GULP1: variants seen among roughly 807,000 people sequenced by gnomAD.
The protein encoded by GULP1 is PTB domain-containing engulfment adapter protein 1.
In GULP1, 19 loss-of-function variants were observed where a neutral mutation model predicts 40.9. That is an observed-to-expected ratio of 0.46 (90% CI 0.32 to 0.68). The LOEUF is 0.68. Among genes scored for constraint, GULP1 ranks in the 30% least tolerant of loss-of-function variants. The pLI, the probability that GULP1 is intolerant of heterozygous loss-of-function variation, is 0.03. For synonymous variants in GULP1, 119 were observed against 117.6 expected, an observed-to-expected ratio of 1.01 and a Z score of -0.08; for missense variants, 312 against 362.2, an observed-to-expected ratio of 0.86 and a Z score of 1.12.
At chr2:188,344,613 T>C (rs143574782) in intron 1 of GULP1, among the ~76,000 whole-genome samples, 2 of 152,318 alleles carry the variant, frequency 1.3e-5, no homozygotes, top group South Asian at 2.1e-4. Context: ...GACTGAGAGA[T>C]GACGGGAGAG....
chr2:188,431,953 A>G (rs2056919651), intron 2 of GULP1, among the ~76,000 whole-genome samples: 1 of 151,672 alleles, frequency 6.6e-6, no homozygotes, highest in African/African-American at 2.4e-5. Flanking sequence ...TTTTCCTTTT[A>G]AAAAGAACAC....
intron 1 of GULP1, among the ~76,000 whole-genome samples, chr2:188,366,193 T>TAGA (rs1168483868): frequency 6.6e-6 from 1 of 151,852 alleles, no homozygotes; most frequent in Non-Finnish European, 1.5e-5. Context: ...AACTCTAAAT[T>TAGA]AGAAATTTTA....
At chr2:188,481,638 T>C (rs2061454720) in intron 3 of GULP1, among the ~76,000 whole-genome samples, 1 of 151,840 alleles carries the variant, frequency 6.6e-6, no homozygotes, top group South Asian at 2.1e-4. Flanking sequence ...GTAATAGTGG[T>C]TTATAGGAGA....
At chr2:188,502,253 G>T (rs1156338545) in intron 4 of GULP1, among the ~76,000 whole-genome samples, 4 of 151,782 alleles carry the variant, frequency 2.6e-5, no homozygotes, top group African/African-American at 7.3e-5. Context: ...TTTCCCATAG[G>T]CAGTAAGTTG....
chr2:188,589,033 G>T (rs1702986443), intron 11 of GULP1: 1 of 152,074 alleles, frequency 6.6e-6, no homozygotes, highest in Non-Finnish European at 1.5e-5. Flanking sequence ...TGTTTCTCAA[G>T]TTGAATGATT....
intron 1 of GULP1, among the ~76,000 whole-genome samples, chr2:188,346,579 G>A (rs1053522542): frequency 3.3e-5 from 5 of 151,230 alleles, no homozygotes; most frequent in African/African-American, 7.3e-5. Context: ...TACAAGCTCC[G>A]CCTCCTGGGT....
intron 9 of GULP1, among the ~76,000 whole-genome samples, chr2:188,571,642 G>T (rs999074608): frequency 6.6e-6 from 1 of 151,986 alleles, no homozygotes; most frequent in African/African-American, 2.4e-5. Context: ...TGCCTCTCTC[G>T]CTGCTAGGGA....
intron 3 of GULP1, among the ~76,000 whole-genome samples, chr2:188,479,958 T>C (rs1238580985): frequency 1.3e-5 from 2 of 152,128 alleles, no homozygotes; most frequent in Non-Finnish European, 2.9e-5. Flanking sequence ...ACTTCTCTTA[T>C]TTTTCAGGTC....
intron 2 of GULP1, among the ~76,000 whole-genome samples, chr2:188,460,000 ATG>A (rs1436615391): frequency 6.6e-6 from 1 of 152,024 alleles, no homozygotes; most frequent in Non-Finnish European, 1.5e-5. Context: ...TCATTGGTCT[ATG>A]TGTCTGTTTT....
intron 7 of GULP1, among the ~76,000 whole-genome samples, chr2:188,555,273 G>C (rs1249380078): frequency 1.3e-5 from 2 of 152,094 alleles, no homozygotes; most frequent in Non-Finnish European, 2.9e-5. Flanking sequence ...TACACTTTGA[G>C]TCTTTTATCT....
At chr2:188,312,067 A>G (rs1234064201) in intron 1 of GULP1, among the ~76,000 whole-genome samples, 1 of 151,972 alleles carries the variant, frequency 6.6e-6, no homozygotes, top group Non-Finnish European at 1.5e-5. Flanking sequence ...CAGCTCCTTC[A>G]ATATAATTCA....
At chr2:188,540,197 T>C (rs1403181391) in intron 6 of GULP1, among the ~76,000 whole-genome samples, 10 of 152,064 alleles carry the variant, frequency 6.6e-5, no homozygotes, top group Admixed American at 6.6e-4. Context: ...GAAAAAGGAA[T>C]AGTTGATTTT....
chr2:188,297,021 G>A (rs998766461), intron 1 of GULP1, among the ~76,000 whole-genome samples: 6 of 151,600 alleles, frequency 4.0e-5, no homozygotes, highest in African/African-American at 1.5e-4. Flanking sequence ...ATTCTTTGAT[G>A]TTTCTCTATT....
At chr2:188,549,001 A>G (rs1037109012) in intron 7 of GULP1, among the ~76,000 whole-genome samples, 1 of 151,926 alleles carries the variant, frequency 6.6e-6, no homozygotes, top group African/African-American at 2.4e-5. Flanking sequence ...ACTATAAAAC[A>G]TTTAGAAAAA....
intron 4 of GULP1, among the ~76,000 whole-genome samples, chr2:188,483,872 T>A (rs952720842): frequency 1.3e-5 from 2 of 152,126 alleles, no homozygotes; most frequent in South Asian, 4.1e-4. Flanking sequence ...GAGCTGCAAT[T>A]TTCATAAATG....
At chr2:188,337,891 G>A (rs528562835) in intron 1 of GULP1, among the ~76,000 whole-genome samples, 1 of 152,124 alleles carries the variant, frequency 6.6e-6, no homozygotes, top group African/African-American at 2.4e-5. Flanking sequence ...TTGAAAGGAA[G>A]GGACAGGGAG....
At chr2:188,491,683 G>C (rs1026239676) in intron 4 of GULP1, 6 of 152,188 alleles carry the variant, frequency 3.9e-5, no homozygotes, top group Admixed American at 1.3e-4. Context: ...ACACTCTAGA[G>C]ACACTAAATC....
rs141385135 is a variant in GULP1 at position 188,323,138 on chromosome 2, G to T, written c.-172+30972G>T. Among the ~76,000 whole-genome samples, 105 of 152,036 alleles carry T rather than the reference G, an allele frequency of 6.9e-4. 1 individual carries two copies. The East Asian group carries it at 0.014, about 20-fold the overall frequency. On this transcript the variant is annotated intron_variant, in intron 1 of 11. Transcript: ENST00000409830. ...GTCTGTAAATATCGACACTCTTCCA[G>T]ATCCAGCTCACATTTTGCCTCTCAC...
At chr2:188,563,634 A>G (rs1156740629) in intron 7 of GULP1, among the ~76,000 whole-genome samples, 1 of 151,638 alleles carries the variant, frequency 6.6e-6, no homozygotes, top group African/African-American at 2.4e-5. Flanking sequence ...TGGCCCAAAT[A>G]TTTGACAAAA....
Sources: gnomAD v4.1 joint callset for allele counts (sites outside exome capture counted in the v4.1 genomes callset) on GRCh38, gnomAD v4.1.1 for gene constraint, MANE v1.5 for transcripts, NCBI Gene and HGNC (gene_info 2026-07-23, HGNC 2026-07-21) for gene names.